Variants in SRPK2 observed in about 807,000 individuals in gnomAD.
SRPK2 encodes SFRS protein kinase 2.
In SRPK2, 21 loss-of-function variants were observed where a neutral mutation model predicts 90.8. That is an observed-to-expected ratio of 0.23 (90% CI 0.16 to 0.33). The LOEUF is 0.33. SRPK2 is among the 10% of genes least tolerant of loss of function. SRPK2 has a pLI of 1.00. For synonymous variants in SRPK2, 288 were observed against 311.1 expected (o/e 0.93, Z 0.78); for missense variants, 620 against 869.0 (o/e 0.71, Z 3.60).
intron 2 of SRPK2, among the ~76,000 whole-genome samples, chr7:105,220,847 T>G (rs986543720): frequency 6.6e-6 from 1 of 152,204 alleles, no homozygotes; most frequent in East Asian, 1.9e-4. Context: ...TTGAATTGTT[T>G]AAAATGTTTT....
chr7:105,283,859 G>A lies in SRPK2; in HGVS notation c.72-80074C>T, dbSNP rs143226679. Among the ~76,000 whole-genome samples, 265 of 152,136 alleles carry A rather than the reference G, an allele frequency of 1.7e-3. 1 individual carries two copies. The highest frequency in any genetic ancestry group is 6.0e-3 in the African/African-American group (250 of 41,512). On this transcript the variant is annotated intron_variant, in intron 2 of 15. Coordinates refer to ENST00000393651, the MANE Select transcript of SRPK2 (RefSeq NM_182692.3). ...TACAAAAAAAAAACTAGCCAGGAGT[G>A]GTGGTGTACGCCTGTGGTCCCAGCT... is the stretch of plus-strand genomic sequence containing the variant.
At chr7:105,290,446 G>A (rs1053510106) in intron 2 of SRPK2, among the ~76,000 whole-genome samples, 2 of 152,054 alleles carry the variant, frequency 1.3e-5, no homozygotes, top group Non-Finnish European at 2.9e-5. Context: ...CACAGTGAGC[G>A]GAGACTGCGC....
chr7:105,313,108 A>G lies in SRPK2; in HGVS notation c.71+75540T>C, dbSNP rs913387186. Among the ~76,000 whole-genome samples, 9 of 151,668 alleles carry G rather than the reference A, an allele frequency of 5.9e-5. No homozygotes were observed. The East Asian group carries it at 9.6e-4, about 16-fold the overall frequency. ...TCAGGCATTATATGCATGTAAGGGG[A>G]AAAAAAAGTTAGGACTTACTTTTGT... is the stretch of plus-strand genomic sequence containing the variant. On this transcript the variant is annotated intron_variant, in intron 2 of 15. Coordinates refer to ENST00000393651, the MANE Select transcript of SRPK2 (RefSeq NM_182692.3).
At chr7:105,321,133 C>T (rs1812891036) in intron 2 of SRPK2, among the ~76,000 whole-genome samples, 1 of 152,110 alleles carries the variant, frequency 6.6e-6, no homozygotes, top group African/African-American at 2.4e-5. Flanking sequence ...GCACCTGGCC[C>T]ATATACAGTT....
intron 2 of SRPK2, among the ~76,000 whole-genome samples, chr7:105,216,278 C>A (rs1488121202): frequency 6.6e-6 from 1 of 152,120 alleles, no homozygotes; most frequent in African/African-American, 2.4e-5. Flanking sequence ...ATGCAGAGCA[C>A]TGTGTATGCT....
chr7:105,342,784 G>T (rs1416371207), intron 2 of SRPK2, among the ~76,000 whole-genome samples: 1 of 152,068 alleles, frequency 6.6e-6, no homozygotes, highest in Non-Finnish European at 1.5e-5. Context: ...CTATGGATTT[G>T]ACCTGGATAG....
At chr7:105,143,796 A>G (rs1323006818) in intron 9 of SRPK2, 1 of 161,964 alleles carries the variant, frequency 6.2e-6, no homozygotes, top group Non-Finnish European at 1.4e-5. Context: ...CCAAGACAAC[A>G]TGAACTGTAA....
upstream of SRPK2, among the ~76,000 whole-genome samples, chr7:105,392,152 C>T (rs928522613): frequency 6.6e-6 from 1 of 152,066 alleles, no homozygotes; most frequent in African/African-American, 2.4e-5. Flanking sequence ...CCAGAATAGG[C>T]AAATCTACAG....
intron 2 of SRPK2, among the ~76,000 whole-genome samples, chr7:105,252,101 T>C (rs1246144661): frequency 6.6e-6 from 1 of 152,222 alleles, no homozygotes. Context: ...AGTAATATGA[T>C]GGCAGATAAC....
At chr7:105,332,661 A>C (rs1814567258) in intron 2 of SRPK2, 1 of 151,906 alleles carries the variant, frequency 6.6e-6, no homozygotes, top group East Asian at 1.9e-4. Context: ...GCTACTAGGA[A>C]GGCTGGGGCA....
intron 2 of SRPK2, among the ~76,000 whole-genome samples, chr7:105,324,323 C>T (rs1348739395): frequency 1.3e-5 from 2 of 149,828 alleles, no homozygotes; most frequent in Non-Finnish European, 3.0e-5. Context: ...TCCCTCCCTC[C>T]CTTCTTTCTT....
chr7:105,362,715 T>A (rs1428312038), intron 2 of SRPK2, among the ~76,000 whole-genome samples: 2 of 152,114 alleles, frequency 1.3e-5, no homozygotes, highest in Non-Finnish European at 2.9e-5. Context: ...CAAAGGATTA[T>A]AAATCATGCT....
rs1468692281 is a variant in SRPK2 at position 105,193,580 on chromosome 7, G to C, written c.229+10048C>G. Among the ~76,000 whole-genome samples the C allele has an allele frequency of 1.1e-4, 16 of 152,144 alleles. 1 individual carries two copies. Among genetic ancestry groups the C allele is most frequent in the Admixed American group, 1.0e-3 (16 of 15,276 alleles). Reference sequence around the variant, plus strand: ...TCTAGTTCTGTGAAGAATGACGGTAGTACTTTGATGGGAATTGCACCGAAT... The same window carrying C: ...TCTAGTTCTGTGAAGAATGACGGTACTACTTTGATGGGAATTGCACCGAAT... On this transcript the variant is annotated intron_variant, in intron 3 of 15. Transcript: ENST00000393651.
At chr7:105,266,724 A>C (rs896557724) in intron 2 of SRPK2, among the ~76,000 whole-genome samples, 1 of 152,172 alleles carries the variant, frequency 6.6e-6, no homozygotes, top group Non-Finnish European at 1.5e-5. Flanking sequence ...TGTAATGATA[A>C]TGCTACATGA....
intron 3 of SRPK2, among the ~76,000 whole-genome samples, chr7:105,170,863 GAAAGA>G (rs1790828293): frequency 6.4e-5 from 5 of 78,384 alleles, no homozygotes; most frequent in African/African-American, 2.2e-4. Flanking sequence ...AAGAAAGAAA[GAAAGA>G]AAGAAAGAAA....
chr7:105,205,566 CACA>C, intron 2 of SRPK2, among the ~76,000 whole-genome samples: 1 of 121,732 alleles, frequency 8.2e-6, no homozygotes, highest in African/African-American at 3.1e-5. Flanking sequence ...CACACACACA[CACA>C]CCACTTCCAG....
chr7:105,247,555 CACACACAG>C (rs762254122), intron 2 of SRPK2, among the ~76,000 whole-genome samples: 1 of 144,694 alleles, frequency 6.9e-6, no homozygotes, highest in Non-Finnish European at 1.5e-5. Context: ...CACACACACA[CACACACAG>C]AAGTTATACC....
upstream of SRPK2, chr7:105,389,312 C>T: frequency 7.8e-7 from 1 of 1,280,974 alleles, no homozygotes; most frequent in South Asian, 1.2e-5. Context: ...GGTCTCGCAC[C>T]ACCTCTCTTC....
chr7:105,236,344 A>AT (rs1370758733), intron 2 of SRPK2, among the ~76,000 whole-genome samples: 2 of 152,032 alleles, frequency 1.3e-5, no homozygotes, highest in African/African-American at 4.8e-5. Flanking sequence ...TCTAATATGT[A>AT]TTTTTTCACA....
Sources: allele counts gnomAD v4.1 joint callset (sites outside exome capture counted in the v4.1 genomes callset), GRCh38; gene constraint gnomAD v4.1.1; transcripts MANE v1.5; gene names NCBI Gene and HGNC (gene_info 2026-07-23, HGNC 2026-07-21).